The following PAM variants were observed in gnomAD, a reference collection of about 807,000 sequenced individuals.
PAM encodes the protein peptidylglycine alpha-amidating monooxygenase, also known as peptidyl-glycine alpha-amidating monooxygenase.
Under a neutral mutation model 122.1 loss-of-function variants are expected in PAM, and 72 were observed. The ratio of observed to expected loss-of-function variants is 0.59; its 90% CI spans 0.49 to 0.72. PAM has a LOEUF of 0.72. Ranked by LOEUF, PAM falls within the 30% of genes least tolerant of loss-of-function variation. The pLI is 0.00. For synonymous variants in PAM, 389 were observed against 404.4 expected (o/e 0.96, Z 0.46); for missense variants, 1,106 against 1,183.7 (o/e 0.93, Z 0.96).
intron 1 of PAM, among the ~76,000 whole-genome samples, chr5:102,757,536 C>T (rs985395063): frequency 5.3e-5 from 8 of 152,198 alleles, no homozygotes; most frequent in Non-Finnish European, 8.8e-5. Context: ...ATGTGCTAAT[C>T]AAATGTTAAA....
intron 16 of PAM, among the ~76,000 whole-genome samples, chr5:102,995,818 G>A (rs1288055823): frequency 2.6e-5 from 4 of 151,784 alleles, no homozygotes; most frequent in Admixed American, 6.6e-5. Flanking sequence ...TTTTTACAAT[G>A]TGTCTATTTT....
intron 23 of PAM, among the ~76,000 whole-genome samples, chr5:103,022,554 ATTTG>A (rs1252398613): frequency 6.6e-6 from 1 of 152,146 alleles, no homozygotes. Flanking sequence ...CTTTTAGAAA[ATTTG>A]TTTATTTCCA....
chr5:103,010,805 C>T (rs948644934), intron 21 of PAM, among the ~76,000 whole-genome samples: 1 of 151,940 alleles, frequency 6.6e-6, no homozygotes, highest in Admixed American at 6.6e-5. Flanking sequence ...TTACACAGTA[C>T]ATGTTTATAT....
At chr5:102,965,153 T>C (rs1344041090) in intron 14 of PAM, among the ~76,000 whole-genome samples, 6 of 130,236 alleles carry the variant, frequency 4.6e-5, no homozygotes, top group Non-Finnish European at 9.7e-5. Context: ...ACTGATGTCT[T>C]CCAAAGCAGA....
intron 5 of PAM, among the ~76,000 whole-genome samples, chr5:102,918,083 A>G (rs1357014876): frequency 1.3e-5 from 2 of 152,132 alleles, no homozygotes; most frequent in African/African-American, 4.8e-5. Context: ...GAGTGGGCCT[A>G]GTGCTCAATT....
chr5:102,866,133 G>GCCAGCC lies in PAM; in HGVS notation c.-54_-49dup, dbSNP rs562907245. On this transcript the variant is annotated 5_prime_UTR_variant, in exon 2 of 26. Transcript: ENST00000438793. ...CTGCTGGCGGCGCCGCTGCCCAACC[G>GCCAGCC]CCAGCCCCAGCCCCGCGCTGCGCTG... The GCCAGCC allele has an allele frequency of 4.4e-4, 528 of 1,201,076 alleles. 4 individuals are homozygous for GCCAGCC. The highest frequency in any genetic ancestry group is 9.1e-5 in the Non-Finnish European group (75 of 827,018). 74.4% of individuals were successfully genotyped at this position (1,201,076 alleles called of 1,614,324 possible).
chr5:102,946,951 G>T (rs1206167934), intron 8 of PAM, 66 bp downstream of exon 8: 1 of 982,536 alleles, frequency 1.0e-6, no homozygotes, highest in Non-Finnish European at 1.6e-6. Flanking sequence ...AGAGTGGGAA[G>T]TTTACTGTAT....
At chr5:102,877,261 A>G (rs1789515463) in intron 3 of PAM, among the ~76,000 whole-genome samples, 1 of 152,244 alleles carries the variant, frequency 6.6e-6, no homozygotes, top group African/African-American at 2.4e-5. Flanking sequence ...CCTGAACTGC[A>G]TTACAATGGA....
chr5:102,961,412 A>G (rs1227679058), intron 14 of PAM, among the ~76,000 whole-genome samples, 183 bp downstream of exon 14: 1 of 151,864 alleles, frequency 6.6e-6, no homozygotes, highest in Non-Finnish European at 1.5e-5. Flanking sequence ...TTAGCTTTGA[A>G]AGTAAAATTC....
intron 18 of PAM, among the ~76,000 whole-genome samples, 193 bp from the exon 19 acceptor site, chr5:103,006,608 T>C (rs1779057994): frequency 6.6e-6 from 1 of 152,198 alleles, no homozygotes; most frequent in South Asian, 2.1e-4. Context: ...TCATAGGCTT[T>C]ATTATCAAAT....
chr5:103,003,337 G>A (rs778905766), intron 17 of PAM, among the ~76,000 whole-genome samples, 188 bp downstream of exon 17: 1 of 152,068 alleles, frequency 6.6e-6, no homozygotes, highest in Non-Finnish European at 1.5e-5. Context: ...AGAATCATCT[G>A]GGAAGCTTCA....
intron 12 of PAM, among the ~76,000 whole-genome samples, chr5:102,958,439 T>C (rs1295763135): frequency 1.3e-5 from 2 of 152,192 alleles, no homozygotes; most frequent in Admixed American, 6.5e-5. Context: ...GGCTCCAGTT[T>C]ATTATTTTTG....
intron 5 of PAM, among the ~76,000 whole-genome samples, chr5:102,916,629 TA>T: frequency 8.8e-6 from 1 of 114,026 alleles, no homozygotes; most frequent in Middle Eastern, 3.9e-3. Context: ...GGCCTTTTTA[TA>T]TATATATATA....
At chr5:102,960,188 T>C (rs1762051602) in intron 13 of PAM, 129 bp downstream of exon 13, 1 of 560,106 alleles carries the variant, frequency 1.8e-6, no homozygotes, top group East Asian at 3.0e-5. Context: ...CACACATATT[T>C]CTTATTTTCT....
At chr5:102,840,757 A>T (rs13175330) in intron 1 of PAM, among the ~76,000 whole-genome samples, 1 of 152,076 alleles carries the variant, frequency 6.6e-6, no homozygotes, top group Admixed American at 6.5e-5. Context: ...CAATCATCAC[A>T]TGCTCCTTTT....
intron 1 of PAM, among the ~76,000 whole-genome samples, chr5:102,808,679 T>C (rs564254992): frequency 5.3e-5 from 8 of 152,198 alleles, no homozygotes; most frequent in Non-Finnish European, 1.0e-4. Context: ...GGGAAGATAC[T>C]AGAAAGAAGA....
intron 1 of PAM, among the ~76,000 whole-genome samples, chr5:102,817,681 C>T (rs534807737): frequency 6.6e-6 from 1 of 151,688 alleles, no homozygotes; most frequent in African/African-American, 2.4e-5. Context: ...TCTCCTGACT[C>T]CTGCGGTCTA....
At chr5:102,915,991 T>G (rs1802982161) in intron 5 of PAM, among the ~76,000 whole-genome samples, 1 of 152,092 alleles carries the variant, frequency 6.6e-6, no homozygotes, top group Non-Finnish European at 1.5e-5. Flanking sequence ...TAAATGAAAG[T>G]GAAAACAGAA....
intron 1 of PAM, among the ~76,000 whole-genome samples, chr5:102,800,681 C>T (rs1764472156): frequency 6.6e-6 from 1 of 152,134 alleles, no homozygotes; most frequent in Admixed American, 6.5e-5. Context: ...AGGGAGGGGG[C>T]TACGCTGAGT....
Sources: gnomAD v4.1 joint callset for allele counts (sites outside exome capture counted in the v4.1 genomes callset) on GRCh38, gnomAD v4.1.1 for gene constraint, MANE v1.5 for transcripts, NCBI Gene and HGNC (gene_info 2026-07-23, HGNC 2026-07-21) for gene names.